AFG2A: variants seen among roughly 807,000 people sequenced by gnomAD.
AFG2A encodes AAA ATPase AFG2A.
the AFG2A span, among the ~76,000 whole-genome samples, chr4:123,069,419 A>C: frequency 6.6e-6 from 1 of 152,310 alleles, no homozygotes; most frequent in Admixed American, 6.5e-5. Context: ...CTGTATTATC[A>C]AGGACAAATG....
At chr4:123,241,599 C>A in the AFG2A span, among the ~76,000 whole-genome samples, 1 of 152,136 alleles carries the variant, frequency 6.6e-6, no homozygotes, top group Non-Finnish European at 1.5e-5. Flanking sequence ...ATGCTAAAAA[C>A]TCTCAATAAA....
At chr4:123,265,320 A>G in the AFG2A span, among the ~76,000 whole-genome samples, 2 of 152,130 alleles carry the variant, frequency 1.3e-5, no homozygotes, top group Non-Finnish European at 2.9e-5. Context: ...CTTTTTCCTT[A>G]AACTCTTTGT....
At chr4:122,945,491 A>T in the AFG2A span, among the ~76,000 whole-genome samples, 2 of 152,212 alleles carry the variant, frequency 1.3e-5, no homozygotes, top group Admixed American at 6.5e-5. Flanking sequence ...TCCTAAGCCC[A>T]TCGGAAAAGC....
At chr4:123,023,551 G>A in the AFG2A span, among the ~76,000 whole-genome samples, 1 of 152,142 alleles carries the variant, frequency 6.6e-6, no homozygotes, top group Non-Finnish European at 1.5e-5. Context: ...ATTGTCACTA[G>A]GAGAGTTGGC....
chr4:122,977,344 C>T, the AFG2A span, among the ~76,000 whole-genome samples: 111 of 152,332 alleles, frequency 7.3e-4, no homozygotes, highest in Non-Finnish European at 1.4e-3. Context: ...GCCCGAGGTC[C>T]GGCCACTGCA....
At chr4:123,084,837 C>T in the AFG2A span, among the ~76,000 whole-genome samples, 4 of 151,994 alleles carry the variant, frequency 2.6e-5, no homozygotes, top group Non-Finnish European at 4.4e-5. Flanking sequence ...CACTCTGTTG[C>T]CAAGGCTGGT....
At chr4:122,976,616 A>C in the AFG2A span, among the ~76,000 whole-genome samples, 1 of 152,106 alleles carries the variant, frequency 6.6e-6, no homozygotes, top group Admixed American at 6.5e-5. Context: ...ACCCCTCACT[A>C]GCCTCCCCTT....
chr4:123,297,717 T>TC, the AFG2A span, among the ~76,000 whole-genome samples: 1 of 63,410 alleles, frequency 1.6e-5, no homozygotes, highest in Non-Finnish European at 4.5e-5. Flanking sequence ...AGACTCCATC[T>TC]CAAAAAAAAA....
the AFG2A span, among the ~76,000 whole-genome samples, chr4:123,034,960 G>C: frequency 6.6e-6 from 1 of 152,126 alleles, no homozygotes; most frequent in African/African-American, 2.4e-5. Flanking sequence ...GGATTTCATG[G>C]GTGAGGGCTT....
the AFG2A span, among the ~76,000 whole-genome samples, chr4:123,145,142 T>C: frequency 6.6e-6 from 1 of 152,028 alleles, no homozygotes; most frequent in South Asian, 2.1e-4. Context: ...GAGTTAATTT[T>C]TAAAAAATAA....
chr4:123,085,319 A>G, the AFG2A span, among the ~76,000 whole-genome samples: 5 of 152,204 alleles, frequency 3.3e-5, no homozygotes, highest in East Asian at 9.6e-4. Flanking sequence ...CAGCTATAAT[A>G]GCGTATTCAT....
the AFG2A span, among the ~76,000 whole-genome samples, chr4:122,982,312 A>G: frequency 6.6e-6 from 1 of 152,180 alleles, no homozygotes; most frequent in Non-Finnish European, 1.5e-5. Context: ...TGATTTGCAT[A>G]TGTTGAACCA....
At chr4:122,934,624 G>A in the AFG2A span, 4 of 1,613,792 alleles carry the variant, frequency 2.5e-6, no homozygotes, top group Non-Finnish European at 3.4e-6. Flanking sequence ...AAAAGAGCAA[G>A]ACAACCAATT....
the AFG2A span, among the ~76,000 whole-genome samples, chr4:122,951,140 A>G: frequency 6.6e-6 from 1 of 152,104 alleles, no homozygotes; most frequent in African/African-American, 2.4e-5. Context: ...CCCAGATGCA[A>G]TGGGGAATGT....
the AFG2A span, among the ~76,000 whole-genome samples, chr4:123,192,542 T>C: frequency 3.4e-3 from 513 of 152,330 alleles, 1 homozygote; most frequent in African/African-American, 0.012. Flanking sequence ...GTTCCTTAGT[T>C]TCACAGTAGC....
chr4:123,007,595 TG>T, the AFG2A span, among the ~76,000 whole-genome samples: 24 of 5,114 alleles, frequency 4.7e-3, 1 homozygote, highest in African/African-American at 0.011. Context: ...TGTGTGTGTG[TG>T]TGTGTGTGTG....
At chr4:123,283,751 G>C in the AFG2A span, among the ~76,000 whole-genome samples, 1 of 152,114 alleles carries the variant, frequency 6.6e-6, no homozygotes, top group Non-Finnish European at 1.5e-5. Context: ...AAGTTGTATT[G>C]GAACACAGCC....
At chr4:123,256,101 A>G in the AFG2A span, 1 of 1,614,148 alleles carries the variant, frequency 6.2e-7, no homozygotes, top group Non-Finnish European at 8.5e-7. Context: ...TTTAAGCTGC[A>G]GTTTCACTCC....
the AFG2A span, among the ~76,000 whole-genome samples, chr4:122,957,035 TGAG>T: frequency 1.4e-4 from 22 of 152,076 alleles, no homozygotes; most frequent in Admixed American, 2.6e-4. Context: ...ATTTGTAAAT[TGAG>T]GAGATTGGAG....
Sources: gnomAD v4.1 joint callset for allele counts (sites outside exome capture counted in the v4.1 genomes callset) on GRCh38, gnomAD v4.1.1 for gene constraint, MANE v1.5 for transcripts, NCBI Gene and HGNC (gene_info 2026-07-23, HGNC 2026-07-21) for gene names.